ISM1: variants seen among roughly 807,000 people sequenced by gnomAD.
ISM1 encodes the protein isthmin-1.
In ISM1, 25 loss-of-function variants were observed where a neutral mutation model predicts 46.3. That is an observed-to-expected ratio of 0.54 (90% confidence interval 0.39 to 0.75). The LOEUF is 0.75. ISM1 is among the 30% of genes least tolerant of loss of function. The pLI is 0.00. For missense variants in ISM1, 536 were observed against 625.4 expected, an observed-to-expected ratio of 0.86 and a Z score of 1.52; for synonymous variants, 255 against 256.7, an observed-to-expected ratio of 0.99 and a Z score of 0.06.
chr20:13,318,952 C>G, the ISM1 span, among the ~76,000 whole-genome samples: 2 of 152,304 alleles, frequency 1.3e-5, no homozygotes, highest in South Asian at 4.1e-4. Context: ...ATGGTTAATA[C>G]AGGTCATTAT....
chr20:13,243,598 T>C (rs367580264), intron 1 of ISM1, among the ~76,000 whole-genome samples: 2 of 152,128 alleles, frequency 1.3e-5, no homozygotes, highest in South Asian at 2.1e-4. Flanking sequence ...AAAACGACCA[T>C]CTGAATGCCA....
At chr20:13,315,041 C>A in the ISM1 span, among the ~76,000 whole-genome samples, 1 of 151,842 alleles carries the variant, frequency 6.6e-6, no homozygotes, top group African/African-American at 2.4e-5. Context: ...GGAAGTATAA[C>A]TAATATGCTA....
the ISM1 span, among the ~76,000 whole-genome samples, chr20:13,308,410 C>T: frequency 2.8e-4 from 42 of 151,874 alleles, no homozygotes; most frequent in East Asian, 7.4e-3. Context: ...CTTGGCAAGG[C>T]GATGAGGAAA....
chr20:13,309,124 A>G, the ISM1 span, among the ~76,000 whole-genome samples: 1 of 152,214 alleles, frequency 6.6e-6, no homozygotes, highest in South Asian at 2.1e-4. Flanking sequence ...TAAAACTCAC[A>G]ATGCAAGGCT....
chr20:13,321,599 G>A, the ISM1 span, among the ~76,000 whole-genome samples: 3 of 152,212 alleles, frequency 2.0e-5, no homozygotes, highest in Non-Finnish European at 4.4e-5. Flanking sequence ...GGGACGTGGT[G>A]TGTTTTCTTC....
chr20:13,241,727 G>GTTA lies in ISM1; in HGVS notation c.138+19813_138+19814insTTA, dbSNP rs1360426902. Among the ~76,000 whole-genome samples, 4 of 152,140 alleles carry GTTA rather than the reference G, an allele frequency of 2.6e-5. No homozygotes were observed. In the East Asian group the frequency reaches 7.7e-4, roughly 29 times the overall value. ...GGAGCAAGTAAGGTTGTGAAGGAAG[G>GTTA]GCAGTTGGATTTTGGAACAGTGCTT... On this transcript the variant is annotated intron_variant, in intron 1 of 5. Coordinates refer to ENST00000262487, the MANE Select transcript of ISM1 (RefSeq NM_080826.2).
chr20:13,245,953 A>T (rs188217919), intron 1 of ISM1, among the ~76,000 whole-genome samples: 1 of 152,294 alleles, frequency 6.6e-6, no homozygotes, highest in Non-Finnish European at 1.5e-5. Flanking sequence ...CCGGTTGCAA[A>T]AATTCTGGAC....
chr20:13,312,725 C>G, the ISM1 span, among the ~76,000 whole-genome samples: 3 of 152,134 alleles, frequency 2.0e-5, no homozygotes, highest in Non-Finnish European at 2.9e-5. Context: ...GCTGAAACAC[C>G]TACTTTGTGC....
chr20:13,230,465 C>T (rs1479237324), intron 1 of ISM1, among the ~76,000 whole-genome samples: 1 of 152,088 alleles, frequency 6.6e-6, no homozygotes, highest in Non-Finnish European at 1.5e-5. Context: ...CATTTTAGTG[C>T]TTTCTGTGGT....
the ISM1 span, among the ~76,000 whole-genome samples, chr20:13,311,722 G>T: frequency 0.11 from 16,124 of 152,138 alleles, 1,351 homozygotes; most frequent in African/African-American, 0.23. Flanking sequence ...CTTATATGTG[G>T]AATCTAAAAA....
chr20:13,293,090 C>G (rs2040370483), intron 5 of ISM1, among the ~76,000 whole-genome samples: 1 of 151,780 alleles, frequency 6.6e-6, no homozygotes, highest in Non-Finnish European at 1.5e-5. Flanking sequence ...GTCCCAGCTA[C>G]TCGGGAGGCT....
chr20:13,311,433 G>C, the ISM1 span, among the ~76,000 whole-genome samples: 1 of 151,878 alleles, frequency 6.6e-6, no homozygotes, highest in Admixed American at 6.6e-5. Context: ...CCCACTCCTG[G>C]GTATATATCC....
At chr20:13,290,159 C>T (rs1007832879) in intron 4 of ISM1, among the ~76,000 whole-genome samples, 16 of 152,112 alleles carry the variant, frequency 1.1e-4, no homozygotes, top group Admixed American at 6.6e-4. Flanking sequence ...GCAACCATTA[C>T]GGTGCTTTTC....
chr20:13,318,160 T>TAAATAAATAAATAAATAAATAAATAAAA, the ISM1 span, among the ~76,000 whole-genome samples: 18 of 151,146 alleles, frequency 1.2e-4, no homozygotes, highest in Non-Finnish European at 2.1e-4. Flanking sequence ...AATAAATAAA[T>TAAATAAATAAATAAATAAATAAATAAAA]AAAAATGAGC....
intron 3 of ISM1, among the ~76,000 whole-genome samples, chr20:13,283,301 G>A (rs1289695114): frequency 6.6e-6 from 1 of 152,202 alleles, no homozygotes; most frequent in African/African-American, 2.4e-5. Flanking sequence ...ACCCAGGAAG[G>A]AGAGGTTCAT....
chr20:13,234,725 A>T (rs756085409), intron 1 of ISM1, among the ~76,000 whole-genome samples: 42 of 152,082 alleles, frequency 2.8e-4, no homozygotes, highest in Non-Finnish European at 5.6e-4. Context: ...GCATTTTTTC[A>T]TATGTTTGTT....
the ISM1 span, among the ~76,000 whole-genome samples, chr20:13,323,623 C>T: frequency 5.9e-5 from 9 of 152,292 alleles, no homozygotes; most frequent in East Asian, 1.3e-3. Flanking sequence ...AACTACCATA[C>T]GACTATAATT....
chr20:13,253,517 T>G (rs557065125), intron 1 of ISM1, among the ~76,000 whole-genome samples: 74 of 152,294 alleles, frequency 4.9e-4, no homozygotes, highest in African/African-American at 1.7e-3. Context: ...TTACCGACTA[T>G]CAGCCACTGT....
At chr20:13,257,771 G>A (rs902181158) in intron 1 of ISM1, among the ~76,000 whole-genome samples, 2 of 151,896 alleles carry the variant, frequency 1.3e-5, no homozygotes, top group African/African-American at 4.8e-5. Flanking sequence ...GAGCAGAGTT[G>A]AGAATTAAAT....
Sources: gnomAD v4.1 joint callset for allele counts (sites outside exome capture counted in the v4.1 genomes callset) on GRCh38, gnomAD v4.1.1 for gene constraint, MANE v1.5 for transcripts, NCBI Gene and HGNC (gene_info 2026-07-23, HGNC 2026-07-21) for gene names.